LRRIQ1: variants seen among roughly 807,000 people sequenced by gnomAD.
The protein encoded by LRRIQ1 is leucine-rich repeat- and IQ domain-containing protein 1.
In LRRIQ1, 210 loss-of-function variants were observed where a neutral mutation model predicts 211.9. The ratio of observed to expected loss-of-function variants is 0.99; its 90% CI spans 0.89 to 1.11. The LOEUF (loss-of-function observed/expected upper bound fraction) is 1.11. Ranked by LOEUF, LRRIQ1 falls within the 50% of genes most tolerant of loss-of-function variation. The pLI, the probability that LRRIQ1 is intolerant of heterozygous loss-of-function variation, is 0.00. For missense variants in LRRIQ1, 2,136 were observed against 1,939.5 expected, an observed-to-expected ratio of 1.10 and a Z score of -1.90; for synonymous variants, 699 against 650.1, an observed-to-expected ratio of 1.08 and a Z score of -1.14.
intron 23 of LRRIQ1, among the ~76,000 whole-genome samples, chr12:85,157,594 C>G (rs555914949): frequency 3.7e-4 from 56 of 151,970 alleles, no homozygotes; most frequent in Admixed American, 7.9e-4. Flanking sequence ...TTCAGTAGTG[C>G]AGTGAAGAAG....
intron 11 of LRRIQ1, among the ~76,000 whole-genome samples, chr12:85,086,935 C>CATTATTATTATTATT (rs202087547): frequency 0.021 from 3,105 of 149,230 alleles, 82 homozygotes; most frequent in African/African-American, 0.06. Flanking sequence ...GATTGTTCTT[C>CATTATTATTATTATT]ATTATTATTA....
At chr12:85,084,544 T>G (rs1248981607) in intron 11 of LRRIQ1, among the ~76,000 whole-genome samples, 1 of 152,126 alleles carries the variant, frequency 6.6e-6, no homozygotes, top group Non-Finnish European at 1.5e-5. Context: ...ATTTTAATAT[T>G]AAAGAAATGT....
chr12:85,174,734 A>G (rs1190909610), intron 24 of LRRIQ1, among the ~76,000 whole-genome samples: 1 of 150,188 alleles, frequency 6.7e-6, no homozygotes, highest in Non-Finnish European at 1.5e-5. Context: ...TCTGAGATCC[A>G]GAAACAGAGA....
intron 18 of LRRIQ1, among the ~76,000 whole-genome samples, chr12:85,131,048 T>TAA (rs35852058): frequency 4.8e-4 from 63 of 130,174 alleles, no homozygotes; most frequent in Non-Finnish European, 1.0e-4. Context: ...TCATCTCTAC[T>TAA]AAAAAAAAAA....
At chr12:85,164,690 A>T (rs1273433845) in intron 24 of LRRIQ1, among the ~76,000 whole-genome samples, 1 of 152,206 alleles carries the variant, frequency 6.6e-6, no homozygotes, top group Non-Finnish European at 1.5e-5. Context: ...TTTACAGATG[A>T]TAAAACAGTA....
At chr12:85,123,049 G>A (rs1352776477) in intron 16 of LRRIQ1, among the ~76,000 whole-genome samples, 2 of 151,936 alleles carry the variant, frequency 1.3e-5, no homozygotes, top group Non-Finnish European at 2.9e-5. Context: ...TGCATAAGTG[G>A]TGGTGAGTTC....
chr12:85,261,951 C>T (rs1230473342), intron 1 of LRRIQ1, among the ~76,000 whole-genome samples: 5 of 151,754 alleles, frequency 3.3e-5, no homozygotes, highest in African/African-American at 4.8e-5. Flanking sequence ...CCACCACGCC[C>T]GGCTAATTTT....
Position 85,057,127 on chromosome 12 carries a change from A to C in LRRIQ1, c.2334A>C (p.Thr778=). 23 of 1,591,098 alleles carry C rather than the reference A, an allele frequency of 1.4e-5. No individual in the cohort carries two copies. Among genetic ancestry groups the C allele is most frequent in the Non-Finnish European group, 1.9e-5 (22 of 1,172,422 alleles). Residue 778 remains threonine (T), a synonymous_variant, in exon 8 of 27, where the codon ACA becomes ACC. Transcript: ENST00000393217. ...CTGTGAAATGCCCAGCCAACATGAC[A>C]CCCGCTTTGGATAAACTGGAAATTC... ...KRPVKCPANM[T]PALDKLEILR...
chr12:85,170,264 G>GTGTATA (rs915350539), intron 24 of LRRIQ1, among the ~76,000 whole-genome samples: 2 of 147,808 alleles, frequency 1.4e-5, no homozygotes, highest in African/African-American at 4.9e-5. Flanking sequence ...TGTGCATATT[G>GTGTATA]TATATATATA....
At chr12:85,091,473 T>G (rs1449169633) in intron 11 of LRRIQ1, among the ~76,000 whole-genome samples, 1 of 152,200 alleles carries the variant, frequency 6.6e-6, no homozygotes, top group Non-Finnish European at 1.5e-5. Flanking sequence ...GATAGTTTCT[T>G]TTGCTTTACA....
Position 85,057,100 on chromosome 12 carries a change from A to G in LRRIQ1, c.2307A>G (p.Arg769=), listed in dbSNP as rs1881207373. 2 of 1,605,552 alleles carry G rather than the reference A, an allele frequency of 1.2e-6. No individual in the cohort carries two copies. The highest frequency in any genetic ancestry group is 1.3e-5 in the African/African-American group (1 of 74,166). ...NQQKKIVRRK[R]PVKCPANMTP... is the part of the protein sequence containing the mutation. Reference sequence around the variant, plus strand: ...AAAAGAAAATTGTTAGAAGAAAGAGACCTGTGAAATGCCCAGCCAACATGA... The same window carrying G: ...AAAAGAAAATTGTTAGAAGAAAGAGGCCTGTGAAATGCCCAGCCAACATGA... Residue 769 remains arginine (R), a synonymous_variant, in exon 8 of 27, where the codon AGA becomes AGG. Transcript: ENST00000393217.
chr12:85,145,655 T>G (rs1889841280), intron 19 of LRRIQ1, among the ~76,000 whole-genome samples: 1 of 151,676 alleles, frequency 6.6e-6, no homozygotes, highest in African/African-American at 2.4e-5. Context: ...GAAGAATGTC[T>G]TCCTAGTAGT....
chr12:85,058,681 A>G (rs1443858478), intron 8 of LRRIQ1, among the ~76,000 whole-genome samples: 1 of 152,008 alleles, frequency 6.6e-6, no homozygotes, highest in Non-Finnish European at 1.5e-5. Flanking sequence ...ATAAAATGAT[A>G]ATTAACTCTT....
At chr12:85,053,220 A>G (rs1048485984) in intron 7 of LRRIQ1, among the ~76,000 whole-genome samples, 2 of 152,158 alleles carry the variant, frequency 1.3e-5, no homozygotes, top group Admixed American at 1.3e-4. Context: ...AATTTGTATC[A>G]TATCTTGAGA....
chr12:85,209,290 A>G (rs1893720243), intron 24 of LRRIQ1, among the ~76,000 whole-genome samples: 1 of 152,136 alleles, frequency 6.6e-6, no homozygotes, highest in African/African-American at 2.4e-5. Flanking sequence ...AGGAGAAGCA[A>G]ACACATCCCT....
intron 1 of LRRIQ1, among the ~76,000 whole-genome samples, chr12:85,261,316 T>G (rs1276687914): frequency 6.6e-6 from 1 of 152,198 alleles, no homozygotes; most frequent in African/African-American, 2.4e-5. Flanking sequence ...CCTTTGAATT[T>G]GTTTTGCTAA....
intron 7 of LRRIQ1, among the ~76,000 whole-genome samples, 181 bp from the exon 8 acceptor site, chr12:85,055,366 T>G (rs1293741596): frequency 6.6e-6 from 1 of 152,088 alleles, no homozygotes; most frequent in Non-Finnish European, 1.5e-5. Flanking sequence ...TTCAATCTCC[T>G]AAATATTAAA....
chr12:85,173,333 G>T (rs1891511440), intron 24 of LRRIQ1, among the ~76,000 whole-genome samples: 1 of 152,094 alleles, frequency 6.6e-6, no homozygotes, highest in Non-Finnish European at 1.5e-5. Context: ...AAGGCCCTAG[G>T]CCATTCTTCT....
chr12:85,069,908 T>C (rs1882895565), intron 10 of LRRIQ1, among the ~76,000 whole-genome samples: 1 of 152,030 alleles, frequency 6.6e-6, no homozygotes, highest in African/African-American at 2.4e-5. Context: ...ACTCTGATGG[T>C]AGTTTCTTTT....
Sources: allele counts gnomAD v4.1 joint callset (sites outside exome capture counted in the v4.1 genomes callset), GRCh38; gene constraint gnomAD v4.1.1; transcripts MANE v1.5; gene names NCBI Gene and HGNC (gene_info 2026-07-23, HGNC 2026-07-21).